The following MS4A14 variants were observed in gnomAD, a reference collection of about 807,000 sequenced individuals.
The protein encoded by MS4A14 is membrane spanning 4-domains A14.
In MS4A14, 18 loss-of-function variants were observed where a neutral mutation model predicts 16.7. The ratio of observed to expected loss-of-function variants is 1.08; its 90% confidence interval spans 0.75 to 1.60. MS4A14 has a LOEUF of 1.60. Ranked by LOEUF, MS4A14 falls within the 40% of genes most tolerant of loss-of-function variation. The pLI, the probability that MS4A14 is intolerant of heterozygous loss-of-function variation, is 0.00. For missense variants in MS4A14, 812 were observed against 775.3 expected (o/e 1.05, Z -0.56); for synonymous variants, 305 against 289.4 (o/e 1.05, Z -0.55).
At chr11:60,409,058 G>A (rs892024353) in intron 4 of MS4A14, among the ~76,000 whole-genome samples, 1 of 152,166 alleles carries the variant, frequency 6.6e-6, no homozygotes, top group Non-Finnish European at 1.5e-5. Flanking sequence ...ATGGGGTACA[G>A]TGTGATGCTT....
chr11:60,398,942 G>T (rs1026252588), intron 2 of MS4A14, among the ~76,000 whole-genome samples: 2 of 152,178 alleles, frequency 1.3e-5, no homozygotes, highest in Non-Finnish European at 2.9e-5. Context: ...AATTGTCCCA[G>T]TGTGACTTTG....
At chr11:60,413,399 T>C (rs1004233748) in intron 4 of MS4A14, among the ~76,000 whole-genome samples, 5 of 151,976 alleles carry the variant, frequency 3.3e-5, no homozygotes, top group African/African-American at 9.7e-5. Context: ...TTGTTCTTGA[T>C]CTTAGGGTGA....
At position 60,416,542 on chromosome 11, in the gene MS4A14, G is replaced by A. The variant is rs558303514; in HGVS notation, c.1574G>A (p.Trp525Ter). The A allele has an allele frequency of 6.2e-7, 1 of 1,613,802 alleles. No homozygotes were observed. Among genetic ancestry groups the A allele is most frequent in the African/African-American group, 1.3e-5 (1 of 74,992 alleles). Residue 525 changes from tryptophan (W) to a stop codon, truncating the protein, a stop_gained, in exon 5 of 5, where the codon TGG (tryptophan) becomes TAG (stop). Transcript: ENST00000300187. LOFTEE classifies it low-confidence loss of function (END_TRUNC). ...TCCTTAGATCAGCAAAGCAAAGGCTGGCAATCTCCAAAGCAGAAATCCTTA... is the reference window on the plus strand; with the variant it reads ...TCCTTAGATCAGCAAAGCAAAGGCTAGCAATCTCCAAAGCAGAAATCCTTA... Reference protein sequence around the residue: ...RHSLDQQSKGWQSPKQKSLDQ... With the variant: ...RHSLDQQSKG
intron 2 of MS4A14, among the ~76,000 whole-genome samples, chr11:60,398,451 T>C (rs540654897): frequency 1.3e-5 from 2 of 152,294 alleles, no homozygotes; most frequent in African/African-American, 2.4e-5. Context: ...GATAATCATA[T>C]AGCCATAAAT....
At chr11:60,404,861 A>G (rs1226687386) in intron 4 of MS4A14, among the ~76,000 whole-genome samples, 1 of 152,160 alleles carries the variant, frequency 6.6e-6, no homozygotes, top group Non-Finnish European at 1.5e-5. Context: ...ATTACTTGTT[A>G]TTGTCTGCCT....
chr11:60,410,522 A>G (rs2085852883), intron 4 of MS4A14, among the ~76,000 whole-genome samples: 1 of 152,136 alleles, frequency 6.6e-6, no homozygotes, highest in Non-Finnish European at 1.5e-5. Flanking sequence ...TTATTGCCAA[A>G]TTGTCATGAA....
chr11:60,405,068 G>A (rs1477481042), intron 4 of MS4A14, among the ~76,000 whole-genome samples: 2 of 151,842 alleles, frequency 1.3e-5, no homozygotes, highest in Non-Finnish European at 2.9e-5. Flanking sequence ...GGTTAAGTGG[G>A]ACTTTGGACC....
chr11:60,415,421 A>G lies in MS4A14; in HGVS notation c.469-16A>G, dbSNP rs2085923291. 5.7e-6 allele frequency: 9 copies of G among 1,575,740 alleles called. No homozygotes were observed. Among genetic ancestry groups the G allele is most frequent in the Non-Finnish European group, 7.7e-6 (9 of 1,165,818 alleles). On this transcript the variant is annotated splice_polypyrimidine_tract_variant and intron_variant, in intron 4 of 4. Coordinates refer to ENST00000300187, the MANE Select transcript of MS4A14 (RefSeq NM_032597.5). ...TGATTCTGTCATATTAATTACCCTC[A>G]TCCTTGCTTTTATAGGTTCTGTTTT... is the stretch of plus-strand genomic sequence containing the variant.
At position 60,415,617 on chromosome 11, in the gene MS4A14, T is replaced by G; in HGVS notation, c.649T>G (p.Leu217Val). 6.2e-7 allele frequency: 1 copy of G among 1,613,810 alleles called. No homozygotes were observed. Among genetic ancestry groups the G allele is most frequent in the Non-Finnish European group, 8.5e-7 (1 of 1,179,810 alleles). ...FFKLTLSRSP[L>V]VSQPGNKGRE... is the part of the protein sequence containing the mutation. ...CAAGTTAACACTCTCTAGGAGTCCT[T>G]TAGTCTCCCAACCAGGTAATAAAGG... The change falls in exon 5 of 5, where the codon TTA becomes GTA. Residue 217 changes from leucine to valine, a missense_variant. Leu to Val is a conservative substitution (Grantham distance 32, BLOSUM62 1). Coordinates refer to ENST00000300187, the MANE Select transcript of MS4A14 (RefSeq NM_032597.5).
At chr11:60,402,853 A>C in intron 3 of MS4A14, 59 bp from the exon 4 acceptor site, 1 of 1,547,422 alleles carries the variant, frequency 6.5e-7, no homozygotes, top group Non-Finnish European at 8.8e-7. Context: ...ATTTCTTACA[A>C]GATATTTTTG....
chr11:60,397,224 C>T (rs555103523), intron 1 of MS4A14, among the ~76,000 whole-genome samples: 27 of 152,258 alleles, frequency 1.8e-4, no homozygotes, highest in South Asian at 1.5e-3. Flanking sequence ...AGAGAAGTTG[C>T]GCCCTGAGAA....
rs1250077500 is a variant in MS4A14, at chr11:60,416,710, C to A, written c.1742C>A (p.Ser581Tyr). ...AKGEQYPEGQ[S>Y]KDGQVKDQQT... ...GGGGAACAATACCCAGAAGGACAAT[C>A]TAAAGATGGACAAGTTAAAGACCAG... Residue 581 changes from serine to tyrosine, a missense_variant, in exon 5 of 5, where the codon TCT becomes TAT. Coordinates refer to ENST00000300187, the MANE Select transcript of MS4A14 (RefSeq NM_032597.5). 1 of 1,613,700 alleles carries A rather than the reference C, an allele frequency of 6.2e-7. No homozygotes were observed. The highest frequency in any genetic ancestry group is 8.5e-7 in the Non-Finnish European group (1 of 1,179,906).
Position 60,415,999 on chromosome 11 carries a change from T to C in MS4A14, c.1031T>C (p.Val344Ala), listed in dbSNP as rs770713598. ...TMPSKSTSSH[V>A]KQSSNLTAND... The stretch of plus-strand genomic sequence containing the variant: ...CCATCTAAGTCTACATCATCCCATG[T>C]CAAACAGTCTTCTAATCTGACAGCT... Residue 344 changes from valine (V) to alanine (A), a missense_variant, in exon 5 of 5, where the codon GTC becomes GCC. Physicochemically the swap from Val to Ala is moderately conservative, Grantham distance 64. Transcript: ENST00000300187. The C allele has an allele frequency of 4.5e-5, 73 of 1,613,766 alleles. No homozygotes were observed. In the South Asian group the frequency reaches 8.0e-4, roughly 18 times the overall value.
intron 4 of MS4A14, among the ~76,000 whole-genome samples, chr11:60,407,500 CCAAA>C (rs1465642973): frequency 6.6e-6 from 1 of 152,090 alleles, no homozygotes; most frequent in African/African-American, 2.4e-5. Context: ...TAAGAAAATA[CCAAA>C]CAGTTTGTCA....
chr11:60,396,863 C>A, intron 1 of MS4A14, 147 bp downstream of exon 1: 1 of 817,446 alleles, frequency 1.2e-6, no homozygotes, highest in Non-Finnish European at 1.8e-6. Context: ...GAAATTAGTA[C>A]TGATCTTTGA....
chr11:60,413,370 T>A (rs1258234009), intron 4 of MS4A14, among the ~76,000 whole-genome samples: 1 of 80,400 alleles, frequency 1.2e-5, no homozygotes, highest in Non-Finnish European at 3.0e-5. Context: ...AAATAAGTGA[T>A]GAAAATAGCA....
At chr11:60,406,420 T>C (rs960648641) in intron 4 of MS4A14, among the ~76,000 whole-genome samples, 4 of 152,238 alleles carry the variant, frequency 2.6e-5, no homozygotes, top group Admixed American at 6.5e-5. Context: ...TTATAGATTA[T>C]ATTTACTGAA....
Position 60,415,844 on chromosome 11 carries a change from G to T in MS4A14, c.876G>T (p.Lys292Asn). 1 of 1,613,838 alleles carries T rather than the reference G, an allele frequency of 6.2e-7. No homozygotes were observed. Among genetic ancestry groups the T allele is most frequent in the Middle Eastern group, 1.6e-4 (1 of 6,062 alleles). The change falls in exon 5 of 5, where the codon AAG (lysine) becomes AAT (asparagine). Residue 292 changes from lysine (K) to asparagine (N), a missense_variant. By Grantham distance (94) the Lys-to-Asn change is moderately conservative. Transcript: ENST00000300187. ...TACAACCTTCTCAAATGCAAACCAA[G>T]CTTCTGCAGGACCAAGCTGCGTCAC... ...AIVQPSQMQT[K>N]LLQDQAASLQ...
At chr11:60,410,015 A>C (rs2085846096) in intron 4 of MS4A14, among the ~76,000 whole-genome samples, 1 of 151,946 alleles carries the variant, frequency 6.6e-6, no homozygotes, top group Non-Finnish European at 1.5e-5. Context: ...CACCCACATA[A>C]ATTTTTATTT....
Sources: gnomAD v4.1 joint callset for allele counts (sites outside exome capture counted in the v4.1 genomes callset) on GRCh38, gnomAD v4.1.1 for gene constraint, MANE v1.5 for transcripts, NCBI Gene and HGNC (gene_info 2026-07-23, HGNC 2026-07-21) for gene names.